Variants in GPC5 observed in about 807,000 individuals in gnomAD.
The protein encoded by GPC5 is glypican 5, also known as glypican-5.
GPC5 carries 47 observed loss-of-function variants against 53.9 expected under a neutral mutation model. The ratio of observed to expected loss-of-function variants is 0.87; its 90% CI spans 0.69 to 1.11. GPC5 has a LOEUF of 1.11. Ranked by LOEUF, GPC5 falls within the 50% of genes most tolerant of loss-of-function variation. The probability of loss-of-function intolerance (pLI) is 0.00; values close to 1 mark genes in which losing one functional copy is unlikely to be tolerated. For synonymous variants in GPC5, 286 were observed against 263.3 expected (o/e 1.09, Z -0.84); for missense variants, 748 against 713.1 (o/e 1.05, Z -0.56).
At chr13:91,477,493 G>A (rs922520656) in intron 2 of GPC5, among the ~76,000 whole-genome samples, 2 of 152,134 alleles carry the variant, frequency 1.3e-5, no homozygotes, top group African/African-American at 4.8e-5. Flanking sequence ...ACGCTTCTGG[G>A]GCATTTGCAT....
chr13:91,887,986 T>C (rs535548976), intron 5 of GPC5, among the ~76,000 whole-genome samples: 1 of 152,312 alleles, frequency 6.6e-6, no homozygotes, highest in South Asian at 2.1e-4. Context: ...TTTGGGTATG[T>C]TAATGGCAGT....
At chr13:92,250,753 A>C (rs2042686729) in intron 7 of GPC5, among the ~76,000 whole-genome samples, 2 of 152,158 alleles carry the variant, frequency 1.3e-5, no homozygotes, top group African/African-American at 4.8e-5. Context: ...GTTTTGGCTA[A>C]CTGATATAAT....
At chr13:91,668,689 T>TA (rs1328826748) in intron 2 of GPC5, among the ~76,000 whole-genome samples, 1 of 152,210 alleles carries the variant, frequency 6.6e-6, no homozygotes, top group Admixed American at 6.5e-5. Context: ...TTGTCAAATA[T>TA]AAAAATAATT....
intron 3 of GPC5, among the ~76,000 whole-genome samples, chr13:91,696,735 G>A (rs2035886592): frequency 6.6e-6 from 1 of 152,218 alleles, no homozygotes; most frequent in South Asian, 2.1e-4. Flanking sequence ...TTAGTTTTCT[G>A]AGAAAAATCA....
At chr13:92,692,226 A>G (rs953396583) in intron 7 of GPC5, among the ~76,000 whole-genome samples, 1 of 152,050 alleles carries the variant, frequency 6.6e-6, no homozygotes, top group Non-Finnish European at 1.5e-5. Context: ...TTATGGCTGC[A>G]TAGTATTACA....
At chr13:92,252,670 G>A (rs1230438945) in intron 7 of GPC5, among the ~76,000 whole-genome samples, 2 of 151,998 alleles carry the variant, frequency 1.3e-5, no homozygotes, top group Non-Finnish European at 2.9e-5. Context: ...TTTAACTGCT[G>A]AAAGTTACCA....
chr13:92,430,599 T>A (rs1019955850), intron 7 of GPC5, among the ~76,000 whole-genome samples: 2 of 152,194 alleles, frequency 1.3e-5, no homozygotes, highest in African/African-American at 4.8e-5. Context: ...ACTGTCCAGA[T>A]GATTCATGCC....
intron 7 of GPC5, among the ~76,000 whole-genome samples, chr13:92,716,963 G>A (rs902342700): frequency 2.0e-5 from 3 of 152,126 alleles, no homozygotes; most frequent in Non-Finnish European, 4.4e-5. Context: ...TTTTCCAAGT[G>A]AGGATACTGA....
intron 7 of GPC5, among the ~76,000 whole-genome samples, chr13:92,275,094 G>T (rs2042866297): frequency 6.6e-6 from 1 of 151,912 alleles, no homozygotes; most frequent in African/African-American, 2.4e-5. Context: ...TTTTCACTTT[G>T]AATAGATTCT....
chr13:91,760,638 C>A (rs1426063519), intron 5 of GPC5, among the ~76,000 whole-genome samples: 1 of 152,118 alleles, frequency 6.6e-6, no homozygotes, highest in Non-Finnish European at 1.5e-5. Flanking sequence ...AAGATTTCTT[C>A]TCCTGCAGGC....
intron 7 of GPC5, among the ~76,000 whole-genome samples, chr13:92,414,504 CAAAAA>C (rs368737499): frequency 8.3e-6 from 1 of 120,462 alleles, no homozygotes; most frequent in Non-Finnish European, 1.8e-5. Flanking sequence ...GACTCTGTCT[CAAAAA>C]AAAAAAAAAA....
At chr13:91,976,510 C>T (rs1032346598) in intron 6 of GPC5, among the ~76,000 whole-genome samples, 11 of 151,928 alleles carry the variant, frequency 7.2e-5, no homozygotes, top group Non-Finnish European at 1.6e-4. Context: ...GTTTATATAG[C>T]AGAGAAGGAA....
intron 5 of GPC5, among the ~76,000 whole-genome samples, chr13:91,841,412 G>A (rs751382617): frequency 9.3e-5 from 14 of 150,526 alleles, no homozygotes; most frequent in Admixed American, 3.3e-4. Flanking sequence ...TTTTGGGTTC[G>A]AGGTAGAAAA....
chr13:92,385,589 G>GCATATATACATATATACA (rs1874640354), intron 7 of GPC5, among the ~76,000 whole-genome samples: 1 of 124,546 alleles, frequency 8.0e-6, no homozygotes, highest in Non-Finnish European at 1.6e-5. Flanking sequence ...TAATATATAC[G>GCATATATACATATATACA]CATATATACA....
intron 7 of GPC5, among the ~76,000 whole-genome samples, chr13:92,794,479 AAG>A (rs1286471238): frequency 6.6e-6 from 1 of 152,188 alleles, no homozygotes; most frequent in East Asian, 1.9e-4. Context: ...AGCATAAGAC[AAG>A]GATGCCCTCT....
At position 92,623,959 on chromosome 13, in the gene GPC5, A is replaced by G. The variant is rs1227789613; in HGVS notation, c.1562-242323A>G. Reference sequence around the variant, plus strand: ...AACCTCTGCCTCCCGGGTTCAAGCGATTCTCCTGTCTTAGCCTCCCAAGTA... The same window carrying G: ...AACCTCTGCCTCCCGGGTTCAAGCGGTTCTCCTGTCTTAGCCTCCCAAGTA... On this transcript the variant is annotated intron_variant, in intron 7 of 7. Transcript: ENST00000377067. Among the ~76,000 whole-genome samples, 4 of 150,148 alleles carry G rather than the reference A, an allele frequency of 2.7e-5. No homozygotes were observed. The East Asian group carries it at 7.8e-4, about 29-fold the overall frequency.
chr13:92,723,690 A>C (rs1888564683), intron 7 of GPC5, among the ~76,000 whole-genome samples: 1 of 151,592 alleles, frequency 6.6e-6, no homozygotes, highest in African/African-American at 2.4e-5. Context: ...CCCAGAAGGT[A>C]ACAGATAATG....
At position 92,461,761 on chromosome 13, in the gene GPC5, C is replaced by G. The variant is rs143893698; in HGVS notation, c.1561+316772C>G. 1.1e-4 allele frequency among the ~76,000 whole-genome samples: 16 copies of G among 152,290 alleles called. No individual in the cohort carries two copies. In the South Asian group the frequency reaches 3.3e-3, roughly 32 times the overall value. On this transcript the variant is annotated intron_variant, in intron 7 of 7. Transcript: ENST00000377067. The stretch of plus-strand genomic sequence containing the variant: ...CCAACTTACAAACTAGGAAGAGGAC[C>G]CTTAGCAGACACTGGGTCTGCTGCC...
chr13:92,601,912 CTTGAG>C (rs1884071955), intron 7 of GPC5, among the ~76,000 whole-genome samples: 1 of 151,246 alleles, frequency 6.6e-6, no homozygotes, highest in South Asian at 2.1e-4. Context: ...TTTTTAATAC[CTTGAG>C]TTATTTCTAT....
Sources: allele counts gnomAD v4.1 joint callset (sites outside exome capture counted in the v4.1 genomes callset), GRCh38; gene constraint gnomAD v4.1.1; transcripts MANE v1.5; gene names NCBI Gene and HGNC (gene_info 2026-07-23, HGNC 2026-07-21).